The following PRKCE variants were observed in gnomAD, a reference collection of about 807,000 sequenced individuals.
The protein encoded by PRKCE is protein kinase C epsilon, also known as protein kinase C epsilon type.
Under a neutral mutation model 85.4 loss-of-function variants are expected in PRKCE, and 16 were observed. That is an observed-to-expected ratio of 0.19 (90% CI 0.13 to 0.28). The LOEUF (loss-of-function observed/expected upper bound fraction) is 0.28, where lower values mean the gene tolerates loss of function less well. Among genes scored for constraint, PRKCE ranks in the 10% least tolerant of loss-of-function variants. The pLI, the probability that PRKCE is intolerant of heterozygous loss-of-function variation, is 1.00. For missense variants in PRKCE, 573 were observed against 975.2 expected (o/e 0.59, Z 5.49); for synonymous variants, 388 against 371.5 (o/e 1.04, Z -0.51).
intron 2 of PRKCE, among the ~76,000 whole-genome samples, chr2:45,901,663 C>T (rs760909680): frequency 4.6e-5 from 7 of 152,176 alleles, no homozygotes; most frequent in Non-Finnish European, 7.3e-5. Flanking sequence ...ACAGCTGATT[C>T]GTACAATGTG....
intron 10 of PRKCE, among the ~76,000 whole-genome samples, chr2:46,039,860 C>T (rs1318275791): frequency 6.6e-6 from 1 of 152,176 alleles, no homozygotes; most frequent in Admixed American, 6.5e-5. Flanking sequence ...TGGGTTCACA[C>T]CACAGTCTGC....
At chr2:46,166,527 G>T (rs1010566402) in intron 14 of PRKCE, among the ~76,000 whole-genome samples, 1 of 152,248 alleles carries the variant, frequency 6.6e-6, no homozygotes, top group Non-Finnish European at 1.5e-5. Flanking sequence ...GCATGGTACA[G>T]TGGACAGGAT....
intron 2 of PRKCE, among the ~76,000 whole-genome samples, chr2:45,967,489 C>G (rs1339070365): frequency 6.6e-6 from 1 of 152,118 alleles, no homozygotes; most frequent in Non-Finnish European, 1.5e-5. Flanking sequence ...ACCACCCTTG[C>G]GAAGCCTGGT....
chr2:45,866,046 C>T (rs548040275), intron 2 of PRKCE, among the ~76,000 whole-genome samples: 16 of 152,154 alleles, frequency 1.1e-4, no homozygotes, highest in East Asian at 9.7e-4. Flanking sequence ...TCTCGAACTT[C>T]TGGGGTTGAG....
chr2:45,666,393 C>T (rs1375714202), intron 1 of PRKCE, among the ~76,000 whole-genome samples: 5 of 151,954 alleles, frequency 3.3e-5, no homozygotes, highest in Non-Finnish European at 5.9e-5. Context: ...GAAGTCTGCT[C>T]ATCCCTCCAG....
intron 1 of PRKCE, among the ~76,000 whole-genome samples, chr2:45,732,903 T>C (rs1681703711): frequency 6.6e-6 from 1 of 152,226 alleles, no homozygotes; most frequent in Non-Finnish European, 1.5e-5. Context: ...TAAATCGTTA[T>C]AATTAATGGA....
chr2:45,851,291 A>G (rs1377619226), intron 2 of PRKCE, among the ~76,000 whole-genome samples: 1 of 152,266 alleles, frequency 6.6e-6, no homozygotes, highest in East Asian at 1.9e-4. Context: ...TCAGGAAGAC[A>G]TGTGATGTAT....
intron 2 of PRKCE, among the ~76,000 whole-genome samples, chr2:45,879,844 A>G (rs549653402): frequency 5.9e-5 from 9 of 152,384 alleles, no homozygotes; most frequent in Middle Eastern, 3.4e-3. Flanking sequence ...GATAATTAGC[A>G]TATCCACAAT....
chr2:46,117,844 A>T (rs1672931331), intron 11 of PRKCE, among the ~76,000 whole-genome samples: 1 of 152,176 alleles, frequency 6.6e-6, no homozygotes, highest in South Asian at 2.1e-4. Context: ...ATCTTTGTCA[A>T]CTAGTTGCAG....
intron 2 of PRKCE, among the ~76,000 whole-genome samples, chr2:45,866,040 G>A (rs922005195): frequency 2.6e-5 from 4 of 151,798 alleles, no homozygotes; most frequent in Non-Finnish European, 5.9e-5. Flanking sequence ...GGCTGGTCTC[G>A]AACTTCTGGG....
chr2:46,134,089 A>C (rs942889208), intron 11 of PRKCE, among the ~76,000 whole-genome samples: 2 of 152,194 alleles, frequency 1.3e-5, no homozygotes, highest in Non-Finnish European at 2.9e-5. Context: ...AATAATTTTC[A>C]ATAAAAATGT....
chr2:45,706,875 G>A (rs1679157929), intron 1 of PRKCE, among the ~76,000 whole-genome samples: 1 of 152,192 alleles, frequency 6.6e-6, no homozygotes, highest in Non-Finnish European at 1.5e-5. Flanking sequence ...CCTTATTCCT[G>A]TGAGAAGGCA....
At chr2:45,820,673 C>T (rs539608993) in intron 1 of PRKCE, among the ~76,000 whole-genome samples, 5 of 152,158 alleles carry the variant, frequency 3.3e-5, no homozygotes, top group South Asian at 2.1e-4. Flanking sequence ...TCTTGTTTCC[C>T]GACACAAATG....
At chr2:45,926,076 C>A (rs1698592840) in intron 2 of PRKCE, among the ~76,000 whole-genome samples, 1 of 152,194 alleles carries the variant, frequency 6.6e-6, no homozygotes, top group Non-Finnish European at 1.5e-5. Flanking sequence ...TTTTTTTCTA[C>A]ATCCCAGGAA....
At chr2:46,119,871 A>G (rs538149586) in intron 11 of PRKCE, among the ~76,000 whole-genome samples, 2 of 152,326 alleles carry the variant, frequency 1.3e-5, no homozygotes, top group South Asian at 4.2e-4. Flanking sequence ...TTTAGATAGA[A>G]CTGTTGAAGT....
chr2:46,049,780 G>T (rs1453293799), intron 10 of PRKCE, among the ~76,000 whole-genome samples: 2 of 152,120 alleles, frequency 1.3e-5, no homozygotes, highest in African/African-American at 2.4e-5. Flanking sequence ...AGTTCCTTGT[G>T]TTACACATCA....
chr2:45,697,373 G>T lies in PRKCE; in HGVS notation c.348+44925G>T, dbSNP rs1572974083. Among the ~76,000 whole-genome samples, 1 of 147,716 alleles carries T rather than the reference G, an allele frequency of 6.8e-6. No homozygotes were observed. The highest frequency in any genetic ancestry group is 1.5e-5 in the Non-Finnish European group (1 of 65,440). ...GTTGCCCTCTCTGCCTCTTAATGGC[G>T]CTCTGACCTTCTATTGTTTTTGGCC... On this transcript the variant is annotated intron_variant, in intron 1 of 14. Coordinates refer to ENST00000306156, the MANE Select transcript of PRKCE (RefSeq NM_005400.3). The surrounding 1 kb of genome is among the most constrained non-coding windows in gnomAD (Gnocchi z 4.2).
At chr2:46,156,350 C>T (rs190479489) in intron 13 of PRKCE, among the ~76,000 whole-genome samples, 34 of 152,194 alleles carry the variant, frequency 2.2e-4, no homozygotes, top group African/African-American at 7.9e-4. Context: ...ACTGTCAGAG[C>T]CTGCTGTGCT....
At position 46,123,214 on chromosome 2, in the gene PRKCE, C is replaced by CTTTTTTTTTTTTTTTTTTTTTT. The variant is rs70937991; in HGVS notation, c.1593-21871_1593-21850dup. Among the ~76,000 whole-genome samples, 202 of 27,372 alleles carry CTTTTTTTTTTTTTTTTTTTTTT rather than the reference C, an allele frequency of 7.4e-3. 45 individuals are homozygous for CTTTTTTTTTTTTTTTTTTTTTT. The highest frequency in any genetic ancestry group is 8.2e-3 in the Non-Finnish European group (124 of 15,118). 18.0% of individuals were successfully genotyped at this position (27,372 alleles called of 152,430 possible). A position where few individuals can be genotyped will look rare whatever the true frequency, so the allele number is the denominator to read the frequency against. On this transcript the variant is annotated intron_variant, in intron 11 of 14. Transcript: ENST00000306156. ...AAGCTTTACAAAGGAAAACACTTGC[C>CTTTTTTTTTTTTTTTTTTTTTT]TTTTTTTTTTTTTTTTTTTTTTTTT...
Sources: gnomAD v4.1 joint callset for allele counts (sites outside exome capture counted in the v4.1 genomes callset) on GRCh38, gnomAD v4.1.1 for gene constraint, Gnocchi (gnomAD v3.1) non-coding constraint, MANE v1.5 for transcripts, NCBI Gene and HGNC (gene_info 2026-07-23, HGNC 2026-07-21) for gene names.